Variants in MCCC2 observed in about 807,000 individuals in gnomAD.
MCCC2 encodes methylcrotonoyl-CoA carboxylase beta chain, mitochondrial.
A neutral mutation model predicts 77.2 loss-of-function variants in MCCC2; 52 were observed. The ratio of observed to expected loss-of-function variants is 0.67; its 90% CI spans 0.54 to 0.85. The LOEUF (loss-of-function observed/expected upper bound fraction) is 0.85. Ranked by LOEUF, MCCC2 falls within the 40% of genes least tolerant of loss-of-function variation. The pLI, the probability that MCCC2 is intolerant of heterozygous loss-of-function variation, is 0.00. For missense variants in MCCC2, 682 were observed against 703.2 expected, an observed-to-expected ratio of 0.97 and a Z score of 0.34; for synonymous variants, 253 against 248.4, an observed-to-expected ratio of 1.02 and a Z score of -0.18.
intron 6 of MCCC2, among the ~76,000 whole-genome samples, chr5:71,624,087 G>C (rs1028909600): frequency 2.0e-5 from 3 of 152,216 alleles, no homozygotes; most frequent in African/African-American, 7.2e-5. Context: ...CCTGGTTCTT[G>C]ATCAGGGCCC....
intron 10 of MCCC2, among the ~76,000 whole-genome samples, chr5:71,638,560 G>C: frequency 6.6e-6 from 1 of 151,808 alleles, no homozygotes; most frequent in Non-Finnish European, 1.5e-5. Flanking sequence ...TCGCTCTGTC[G>C]CCCAGGCTGG....
chr5:71,641,141 T>A, intron 11 of MCCC2, 66 bp downstream of exon 11: 4 of 1,413,706 alleles, frequency 2.8e-6, no homozygotes, highest in Non-Finnish European at 3.0e-6. Context: ...AATCTCTTGT[T>A]TCAAGACTTT....
chr5:71,608,496 A>G (rs1473596910), intron 6 of MCCC2, among the ~76,000 whole-genome samples: 3 of 147,552 alleles, frequency 2.0e-5, no homozygotes, highest in Non-Finnish European at 4.5e-5. Context: ...GGTTTCCTGA[A>G]TACAGCACAC....
intron 10 of MCCC2, among the ~76,000 whole-genome samples, chr5:71,639,970 G>T (rs988514043): frequency 4.6e-5 from 7 of 152,156 alleles, no homozygotes; most frequent in African/African-American, 1.2e-4. Flanking sequence ...GATTGATGTG[G>T]CAGACAGAAA....
intron 8 of MCCC2, among the ~76,000 whole-genome samples, chr5:71,634,084 A>C (rs1358920984): frequency 2.6e-5 from 4 of 152,232 alleles, no homozygotes; most frequent in Non-Finnish European, 5.9e-5. Flanking sequence ...AAGCCATAAA[A>C]ATTTAGATTG....
chr5:71,634,515 G>A (rs905018049), intron 8 of MCCC2, among the ~76,000 whole-genome samples: 13 of 152,218 alleles, frequency 8.5e-5, no homozygotes, highest in South Asian at 6.2e-4. Flanking sequence ...AGTTTATGCC[G>A]TAACCAACTA....
At chr5:71,599,606 A>C (rs1310480659) in intron 3 of MCCC2, 53 bp from the exon 4 acceptor site, 1 of 1,390,306 alleles carries the variant, frequency 7.2e-7, no homozygotes, top group African/African-American at 1.4e-5. Flanking sequence ...TAACTGTTTA[A>C]ATGTGTAGTT....
At chr5:71,608,343 T>C (rs2112346145) in intron 6 of MCCC2, among the ~76,000 whole-genome samples, 2 of 115,198 alleles carry the variant, frequency 1.7e-5, no homozygotes, top group Non-Finnish European at 3.6e-5. Context: ...GCCTTCTTTG[T>C]CTCTTTTGAT....
At chr5:71,616,294 G>C (rs891772643) in intron 6 of MCCC2, among the ~76,000 whole-genome samples, 3 of 152,242 alleles carry the variant, frequency 2.0e-5, no homozygotes, top group African/African-American at 7.2e-5. Context: ...AGGATGGGTA[G>C]TGGCAGCCCT....
intron 6 of MCCC2, among the ~76,000 whole-genome samples, chr5:71,608,949 A>C (rs1365969438): frequency 2.0e-5 from 3 of 152,074 alleles, no homozygotes; most frequent in Non-Finnish European, 4.4e-5. Context: ...TGTTAGTCTG[A>C]TGGGCTTCCC....
chr5:71,628,201 A>G (rs1401237271), intron 7 of MCCC2, among the ~76,000 whole-genome samples: 1 of 152,160 alleles, frequency 6.6e-6, no homozygotes, highest in African/African-American at 2.4e-5. Context: ...AGACATGTCT[A>G]TTCAGATTCT....
chr5:71,600,336 GT>G lies in MCCC2; in HGVS notation c.383+584del, dbSNP rs902273719. 7.5e-4 allele frequency among the ~76,000 whole-genome samples: 113 copies of G among 151,274 alleles called. 1 individual carries two copies. Among genetic ancestry groups the G allele is most frequent in the African/African-American group, 1.9e-3 (78 of 41,266 alleles). On this transcript the variant is annotated intron_variant, in intron 4 of 16. Transcript: ENST00000340941. ...TAAATTCTTTCTTTTTTCCTTTTTTGTTTTTTTTAGAGATGGTGTCTCGCTC... is the reference window on the plus strand; with the variant it reads ...TAAATTCTTTCTTTTTTCCTTTTTTGTTTTTTTAGAGATGGTGTCTCGCTC...
At chr5:71,640,382 ATTTTTTTTT>A (rs60843078) in intron 10 of MCCC2, among the ~76,000 whole-genome samples, 1 of 109,154 alleles carries the variant, frequency 9.2e-6, no homozygotes, top group Non-Finnish European at 1.9e-5. Flanking sequence ...CACTTTTTAC[ATTTTTTTTT>A]TTTTTTTTTT....
intron 5 of MCCC2, 88 bp downstream of exon 5, chr5:71,602,721 G>C: frequency 6.4e-7 from 1 of 1,573,440 alleles, no homozygotes; most frequent in East Asian, 2.3e-5. Context: ...ATTTGGGATG[G>C]GTATTTTATA....
intron 6 of MCCC2, among the ~76,000 whole-genome samples, chr5:71,619,584 G>A (rs188889358): frequency 3.9e-4 from 59 of 151,352 alleles, no homozygotes; most frequent in African/African-American, 1.3e-3. Context: ...TTTATTTTTC[G>A]GGACAGGTCT....
chr5:71,655,406 C>T (rs6453080), intron 16 of MCCC2, among the ~76,000 whole-genome samples: 1 of 152,088 alleles, frequency 6.6e-6, no homozygotes, highest in South Asian at 2.1e-4. Flanking sequence ...CAATTTGCTT[C>T]TGCTCAGTTG....
At chr5:71,650,240 G>T in intron 15 of MCCC2, 57 bp downstream of exon 15, 2 of 1,453,092 alleles carry the variant, frequency 1.4e-6, no homozygotes, top group Non-Finnish European at 1.9e-6. Flanking sequence ...TAAACACCCT[G>T]GAGCCAAGGA....
intron 4 of MCCC2, among the ~76,000 whole-genome samples, chr5:71,600,996 TG>T (rs1463760829): frequency 6.6e-6 from 1 of 152,242 alleles, no homozygotes; most frequent in Non-Finnish European, 1.5e-5. Context: ...TAGAAAGACC[TG>T]GTCCCTGTGC....
chr5:71,600,700 C>CA (rs1745392177), intron 4 of MCCC2, among the ~76,000 whole-genome samples: 1 of 151,734 alleles, frequency 6.6e-6, no homozygotes, highest in African/African-American at 2.4e-5. Flanking sequence ...TCAAATTAAG[C>CA]AAAAAAGAGG....
Sources: gnomAD v4.1 joint callset for allele counts (sites outside exome capture counted in the v4.1 genomes callset) on GRCh38, gnomAD v4.1.1 for gene constraint, MANE v1.5 for transcripts, NCBI Gene and HGNC (gene_info 2026-07-23, HGNC 2026-07-21) for gene names.